C10orf120: variants seen among roughly 807,000 people sequenced by gnomAD.
The protein encoded by C10orf120 is chromosome 10 open reading frame 120.
A neutral mutation model predicts 10.8 loss-of-function variants in C10orf120; 15 were observed. That is an observed-to-expected ratio of 1.39 (90% CI 0.93 to 2.14). The LOEUF (loss-of-function observed/expected upper bound fraction) is 2.14. C10orf120 is among the 30% of genes most tolerant of loss of function. The probability of loss-of-function intolerance (pLI) is 0.00; values close to 1 mark genes in which losing one functional copy is unlikely to be tolerated. For synonymous variants in C10orf120, 141 were observed against 138.9 expected (o/e 1.02, Z -0.11); for missense variants, 447 against 411.3 (o/e 1.09, Z -0.75).
In C10orf120 at chr10:122,697,928, T is replaced by TTTCTTTGCGGGG; in HGVS notation, c.801_812dup (p.Lys270_Lys271insAsnProAlaLys). On this transcript the variant is annotated inframe_insertion, in exon 3 of 3. Transcript: ENST00000329446. Reference sequence around the variant, plus strand: ...TTAGGCCTGCGATGGACCGTTCCGGTTTCTTTGCGGGGAGGAATGATTTGC... The same window carrying TTTCTTTGCGGGG: ...TTAGGCCTGCGATGGACCGTTCCGGTTTCTTTGCGGGGTTCTTTGCGGGGAGGAATGATTTGC... 6.2e-7 allele frequency: 1 copy of TTTCTTTGCGGGG among 1,614,084 alleles called. No individual in the cohort carries two copies. The highest frequency in any genetic ancestry group is 8.5e-7 in the Non-Finnish European group (1 of 1,179,996).
chr10:122,698,933 T>C (rs1251706766), intron 2 of C10orf120, among the ~76,000 whole-genome samples: 1 of 150,254 alleles, frequency 6.7e-6, no homozygotes, highest in Admixed American at 6.6e-5. Context: ...GAGACCATCC[T>C]GGCTAACAAG....
chr10:122,698,983 A>T (rs545548070), intron 2 of C10orf120, among the ~76,000 whole-genome samples: 264 of 148,864 alleles, frequency 1.8e-3, no homozygotes, highest in African/African-American at 6.5e-3. Context: ...AAATACAAAA[A>T]ATTAGCCGGG....
chr10:122,698,522 G>A (rs750141116), intron 2 of C10orf120, 34 bp from the exon 3 acceptor site: 2 of 1,607,826 alleles, frequency 1.2e-6, no homozygotes, highest in South Asian at 2.2e-5. Flanking sequence ...AAAATCTCAA[G>A]AGCACAGGGG....
rs756538058 is a variant in C10orf120, at chr10:122,697,896, C to T, written c.845G>A (p.Arg282Gln). ...GAATTCTGATATGCAGAAAAGATTT[C>T]GGTTTGTTAGGCCTGCGATGGACCG... ...PERSIAGLTN[R>Q]NLFCISEFPG... Residue 282 changes from arginine to glutamine, a missense_variant, in exon 3 of 3, where the codon CGA (arginine) becomes CAA (glutamine). Coordinates refer to ENST00000329446, the MANE Select transcript of C10orf120 (RefSeq NM_001010912.4). 9 of 1,614,016 alleles carry T rather than the reference C, an allele frequency of 5.6e-6. No homozygotes were observed. The highest frequency in any genetic ancestry group is 5.5e-5 in the South Asian group (5 of 91,074).
intron 2 of C10orf120, 98 bp downstream of exon 2, chr10:122,699,239 C>A: frequency 1.5e-6 from 1 of 683,510 alleles, no homozygotes; most frequent in Non-Finnish European, 2.6e-6. Context: ...GTTTGAGAGG[C>A]AGCTCTGTTA....
intron 2 of C10orf120, 109 bp from the exon 3 acceptor site, chr10:122,698,597 C>A: frequency 9.8e-7 from 1 of 1,021,496 alleles, no homozygotes; most frequent in South Asian, 1.5e-5. Flanking sequence ...GTGTTTGAGC[C>A]TCTCTGTAGT....
chr10:122,698,165 G>A lies in C10orf120; in HGVS notation c.576C>T (p.Ser192=), dbSNP rs1845812875. 1 of 1,613,120 alleles carries A rather than the reference G, an allele frequency of 6.2e-7. No homozygotes were observed. The highest frequency in any genetic ancestry group is 8.5e-7 in the Non-Finnish European group (1 of 1,179,832). The change falls in exon 3 of 3, where the codon TCC becomes TCT. Residue 192 remains serine (S), a synonymous_variant. Coordinates refer to ENST00000329446, the MANE Select transcript of C10orf120 (RefSeq NM_001010912.4). ...PLPYIERFTR[S]SFLSGVGLGP... The stretch of plus-strand genomic sequence containing the variant: ...CCAGGCCCACCCCAGACAGAAATGA[G>A]GAGCGTGTAAACCTTTCAATGTAGG...
chr10:122,697,962 C>T lies in C10orf120; in HGVS notation c.779G>A (p.Gly260Glu). Reference protein sequence around the residue: ...KEPKKCLTYHGNDRKSFLPAK... With the variant: ...KEPKKCLTYHENDRKSFLPAK... ...GGGGAGGAATGATTTGCGATCATTT[C>T]CATGGTATGTTAAACATTTTTTTGG... Residue 260 changes from glycine to glutamate, a missense_variant, in exon 3 of 3, where the codon GGA (glycine) becomes GAA (glutamate). Gly to Glu is a moderately conservative substitution (Grantham distance 98). Coordinates refer to ENST00000329446, the MANE Select transcript of C10orf120 (RefSeq NM_001010912.4). The T allele has an allele frequency of 6.2e-7, 1 of 1,613,302 alleles. No individual in the cohort carries two copies. Among genetic ancestry groups the T allele is most frequent in the Non-Finnish European group, 8.5e-7 (1 of 1,179,798 alleles).
intron 1 of C10orf120, 92 bp downstream of exon 1, chr10:122,699,523 C>T (rs72836162): frequency 5.5e-5 from 79 of 1,445,056 alleles, no homozygotes; most frequent in Non-Finnish European, 7.2e-5. Flanking sequence ...AGGCTGAGGC[C>T]GCCATGAGCA....
rs771583832 is a variant in C10orf120 at position 122,698,025 on chromosome 10, C to T, written c.716G>A (p.Arg239Gln). The T allele has an allele frequency of 4.9e-5, 78 of 1,608,150 alleles. No individual in the cohort carries two copies. The highest frequency in any genetic ancestry group is 5.9e-5 in the Non-Finnish European group (70 of 1,178,556). Residue 239 changes from arginine to glutamine, a missense_variant, in exon 3 of 3, where the codon CGA becomes CAA. Transcript: ENST00000329446. ...GAAAACTACATTCATTTTTATTTCTCGTCTTTTTGTGTTTTTTCCCTCTGC... is the reference window on the plus strand; with the variant it reads ...GAAAACTACATTCATTTTTATTTCTTGTCTTTTTGTGTTTTTTCCCTCTGC... ...EEAEGKNTKR[R>Q]EIKMNVVFKS...
In C10orf120 at chr10:122,698,402, C is replaced by A; in HGVS notation, c.339G>T (p.Gln113His). 1 of 1,614,144 alleles carries A rather than the reference C, an allele frequency of 6.2e-7. No individual in the cohort carries two copies. ...CTTGTTTGTAGTCCGGAGACAGCAACTGTAGTTCCTTGAGCATTCTGCATT... is the reference window on the plus strand; with the variant it reads ...CTTGTTTGTAGTCCGGAGACAGCAAATGTAGTTCCTTGAGCATTCTGCATT... ...EEECRMLKELQLLSPDYKQAM... is the reference protein window; with the variant it reads ...EEECRMLKELHLLSPDYKQAM... The change falls in exon 3 of 3, where the codon CAG (glutamine) becomes CAT (histidine). Residue 113 changes from glutamine (Q) to histidine (H), a missense_variant. Coordinates refer to ENST00000329446, the MANE Select transcript of C10orf120 (RefSeq NM_001010912.4).
rs755349988 is a variant in C10orf120 at position 122,697,950 on chromosome 10, T to C, written c.791A>G (p.Lys264Arg). Reference sequence around the variant, plus strand: ...CGGTTTCTTTGCGGGGAGGAATGATTTGCGATCATTTCCATGGTATGTTAA... The same window carrying C: ...CGGTTTCTTTGCGGGGAGGAATGATCTGCGATCATTTCCATGGTATGTTAA... ...KCLTYHGNDR[K>R]SFLPAKKPER... The change falls in exon 3 of 3, where the codon AAA becomes AGA. Residue 264 changes from lysine (K) to arginine (R), a missense_variant. By Grantham distance (26) the Lys-to-Arg change is conservative. Coordinates refer to ENST00000329446, the MANE Select transcript of C10orf120 (RefSeq NM_001010912.4). 5.6e-6 allele frequency: 9 copies of C among 1,613,806 alleles called. No homozygotes were observed. The highest frequency in any genetic ancestry group is 4.4e-5 in the South Asian group (4 of 90,910).
Position 122,699,395 on chromosome 10 carries a change from T to C in C10orf120, c.194A>G (p.Tyr65Cys). Reference sequence around the variant, plus strand: ...AAGGGCAATCCGTGGGTCTGATCTGTAGAATTTGCTCCATATCCTGCAAGA... The same window carrying C: ...AAGGGCAATCCGTGGGTCTGATCTGCAGAATTTGCTCCATATCCTGCAAGA... ...ASPLRIWSKF[Y>C]RSDPRIALGK... Residue 65 changes from tyrosine to cysteine, a missense_variant, in exon 2 of 3, where the codon TAC becomes TGC. Coordinates refer to ENST00000329446, the MANE Select transcript of C10orf120 (RefSeq NM_001010912.4). 1 of 1,612,688 alleles carries C rather than the reference T, an allele frequency of 6.2e-7. No homozygotes were observed. The highest frequency in any genetic ancestry group is 8.5e-7 in the Non-Finnish European group (1 of 1,178,788).
Position 122,699,801 on chromosome 10 carries a change from T to C in C10orf120, c.-11A>G, listed in dbSNP as rs1317667494. Reference sequence around the variant, plus strand: ...CCATTCTCTGATCATACTCCGGCAATAAGCTAGGACGGGAGGTGTTCACAC... The same window carrying C: ...CCATTCTCTGATCATACTCCGGCAACAAGCTAGGACGGGAGGTGTTCACAC... On this transcript the variant is annotated 5_prime_UTR_variant, in exon 1 of 3. Transcript: ENST00000329446. 1 of 1,607,926 alleles carries C rather than the reference T, an allele frequency of 6.2e-7. No homozygotes were observed. Among genetic ancestry groups the C allele is most frequent in the South Asian group, 1.1e-5 (1 of 89,764 alleles).
Position 122,698,569 on chromosome 10 carries a change from C to T in C10orf120, c.253-81G>A, listed in dbSNP as rs962749994. 2.3e-6 allele frequency: 3 copies of T among 1,308,778 alleles called. No homozygotes were observed. The African/African-American group carries it at 4.4e-5, about 19-fold the overall frequency. The allele number at this position is 1,308,778 out of a possible 1,614,324, so 81.1% of individuals were successfully genotyped here. On this transcript the variant is annotated intron_variant, in intron 2 of 2. Transcript: ENST00000329446. ...CACAGAAACTTGCTAGTGGCTGGTT[C>T]TCCCTCCATTGTGGAAAGTGTTTGA...
At position 122,698,218 on chromosome 10, in the gene C10orf120, G is replaced by C; in HGVS notation, c.523C>G (p.Arg175Gly). 1 of 1,613,908 alleles carries C rather than the reference G, an allele frequency of 6.2e-7. No individual in the cohort carries two copies. Among genetic ancestry groups the C allele is most frequent in the Non-Finnish European group, 8.5e-7 (1 of 1,179,952 alleles). The change falls in exon 3 of 3, where the codon CGG (arginine) becomes GGG (glycine). Residue 175 changes from arginine to glycine, a missense_variant. Arg to Gly is a moderately radical substitution (Grantham distance 125). Transcript: ENST00000329446. Reference sequence around the variant, plus strand: ...AAAGGCTGATGATTTCCCAGAGCCCGAGCAAGCCTCATCCTCTCTATGTGC... The same window carrying C: ...AAAGGCTGATGATTTCCCAGAGCCCCAGCAAGCCTCATCCTCTCTATGTGC... The part of the protein sequence containing the change: ...SKHIERMRLA[R>G]ALGNHQPLPY...
Position 122,697,933 on chromosome 10 carries a change from T to C in C10orf120, c.808A>G (p.Lys270Glu). 1 of 1,614,098 alleles carries C rather than the reference T, an allele frequency of 6.2e-7. No homozygotes were observed. Among genetic ancestry groups the C allele is most frequent in the Non-Finnish European group, 8.5e-7 (1 of 1,180,008 alleles). The change falls in exon 3 of 3, where the codon AAG becomes GAG. Residue 270 changes from lysine (K) to glutamate (E), a missense_variant. Physicochemically the swap from Lys to Glu is moderately conservative, Grantham distance 56. Coordinates refer to ENST00000329446, the MANE Select transcript of C10orf120 (RefSeq NM_001010912.4). ...GNDRKSFLPA[K>E]KPERSIAGLT... ...CCTGCGATGGACCGTTCCGGTTTCT[T>C]TGCGGGGAGGAATGATTTGCGATCA...
At chr10:122,699,007 G>A (rs376360038) in intron 2 of C10orf120, among the ~76,000 whole-genome samples, 26 of 150,600 alleles carry the variant, frequency 1.7e-4, no homozygotes, top group Admixed American at 1.1e-3. Flanking sequence ...GGTGGCGGGC[G>A]CCTGTAGTCC....
Position 122,697,934 on chromosome 10 carries a change from T to C in C10orf120, c.807A>G (p.Ala269=). The change falls in exon 3 of 3, where the codon GCA becomes GCG. Residue 269 remains alanine, a synonymous_variant. Transcript: ENST00000329446. ...HGNDRKSFLP[A]KKPERSIAGL... Reference sequence around the variant, plus strand: ...CTGCGATGGACCGTTCCGGTTTCTTTGCGGGGAGGAATGATTTGCGATCAT... The same window carrying C: ...CTGCGATGGACCGTTCCGGTTTCTTCGCGGGGAGGAATGATTTGCGATCAT... 6.2e-7 allele frequency: 1 copy of C among 1,614,118 alleles called. No homozygotes were observed. The highest frequency in any genetic ancestry group is 8.5e-7 in the Non-Finnish European group (1 of 1,180,006).
Sources: allele counts gnomAD v4.1 joint callset (sites outside exome capture counted in the v4.1 genomes callset), GRCh38; gene constraint gnomAD v4.1.1; transcripts MANE v1.5; gene names NCBI Gene and HGNC (gene_info 2026-07-23, HGNC 2026-07-21).